BCAS1: variants seen among roughly 807,000 people sequenced by gnomAD.
BCAS1 encodes the protein brain enriched myelin associated protein 1.
BCAS1 carries 46 observed loss-of-function variants against 65.4 expected under a neutral mutation model. That is an observed-to-expected ratio of 0.70 (90% CI 0.55 to 0.90). The LOEUF is 0.90. BCAS1 is among the 40% of genes least tolerant of loss of function. The pLI is 0.00. For missense variants in BCAS1, 793 were observed against 771.2 expected (o/e 1.03, Z -0.33); for synonymous variants, 298 against 293.5 (o/e 1.02, Z -0.16).
chr20:54,026,815 C>T (rs1181164925), intron 4 of BCAS1, among the ~76,000 whole-genome samples: 1 of 152,258 alleles, frequency 6.6e-6, no homozygotes, highest in East Asian at 1.9e-4. Flanking sequence ...TTCCCTGGGC[C>T]ATGGAGCCCA....
intron 4 of BCAS1, 150 bp downstream of exon 4, chr20:54,028,242 C>T: frequency 2.7e-6 from 2 of 733,454 alleles, no homozygotes; most frequent in East Asian, 2.5e-5. Context: ...CAGGATGACA[C>T]TCTGCTGCAA....
chr20:53,994,888 T>TACACACACAC (rs11471603), intron 6 of BCAS1, 124 bp downstream of exon 6: 5,880 of 555,784 alleles, frequency 0.011, 38 homozygotes, highest in East Asian at 0.068. Flanking sequence ...ATAGATATGA[T>TACACACACAC]ACACACACAC....
chr20:53,992,351 A>G (rs1181729371), intron 7 of BCAS1, among the ~76,000 whole-genome samples, 161 bp downstream of exon 7: 1 of 152,180 alleles, frequency 6.6e-6, no homozygotes, highest in Admixed American at 6.6e-5. Context: ...GGACTTAAAA[A>G]TCACTGAAGT....
chr20:53,958,199 T>C (rs1283898638), intron 10 of BCAS1, among the ~76,000 whole-genome samples: 1 of 152,188 alleles, frequency 6.6e-6, no homozygotes, highest in Non-Finnish European at 1.5e-5. Flanking sequence ...CTGAGGATTG[T>C]CTGAGTTTGA....
intron 3 of BCAS1, among the ~76,000 whole-genome samples, chr20:54,053,596 T>C (rs1005612931): frequency 5.8e-4 from 88 of 152,364 alleles, no homozygotes; most frequent in African/African-American, 2.0e-3. Flanking sequence ...TTTATGTCAA[T>C]TGACATTAAA....
intron 12 of BCAS1, among the ~76,000 whole-genome samples, chr20:53,950,288 A>AC (rs2089474639): frequency 6.6e-6 from 1 of 150,384 alleles, no homozygotes; most frequent in Non-Finnish European, 1.5e-5. Flanking sequence ...GCTCATTCCC[A>AC]CCCCCGTGCC....
rs1443137197 is a variant in BCAS1, at chr20:54,044,810, CT to C, written c.142+13274del. 3.4e-5 allele frequency among the ~76,000 whole-genome samples: 5 copies of C among 149,226 alleles called. No individual in the cohort carries two copies. In the Admixed American group the frequency reaches 3.4e-4, roughly 10 times the overall value. ...CTGAGATCATACCACTGCACTCCAG[CT>C]TGGGCAGCGGAAGGAGACTCTGTCT... On this transcript the variant is annotated intron_variant, in intron 3 of 12. Coordinates refer to ENST00000688948, the MANE Select transcript of BCAS1 (RefSeq NM_001366298.2).
Position 53,985,444 on chromosome 20 carries a change from A to T in BCAS1, c.1118T>A (p.Phe373Tyr). 6.2e-7 allele frequency: 1 copy of T among 1,613,884 alleles called. No individual in the cohort carries two copies. The highest frequency in any genetic ancestry group is 8.5e-7 in the Non-Finnish European group (1 of 1,179,946). ...AGCCCCTTGGGTCTCCTGGGATGTA[A>T]AGTTGGCTTTGTCTGACTTAAGGTC... is the stretch of plus-strand genomic sequence containing the variant. ...SADLKSDKAN[F>Y]TSQETQGAGK... The change falls in exon 8 of 13, where the codon TTT becomes TAT. Residue 373 changes from phenylalanine to tyrosine, a missense_variant. By Grantham distance (22) the Phe-to-Tyr change is conservative (BLOSUM62 3). Transcript: ENST00000688948.
chr20:54,057,996 T>TC, intron 3 of BCAS1, 89 bp downstream of exon 3: 1 of 1,015,514 alleles, frequency 9.8e-7, no homozygotes, highest in Non-Finnish European at 1.5e-6. Flanking sequence ...TTCGACCCTT[T>TC]CATTTTTTTT....
chr20:53,963,114 T>C (rs1186780121), intron 10 of BCAS1, among the ~76,000 whole-genome samples: 1 of 151,218 alleles, frequency 6.6e-6, no homozygotes, highest in Non-Finnish European at 1.5e-5. Flanking sequence ...CCTCCCAAAG[T>C]GCTGGGATTA....
At chr20:53,959,346 C>A (rs1002812201) in intron 10 of BCAS1, among the ~76,000 whole-genome samples, 1 of 151,964 alleles carries the variant, frequency 6.6e-6, no homozygotes, top group Non-Finnish European at 1.5e-5. Flanking sequence ...TTCTGCCTCC[C>A]AGGTTCAAGA....
intron 4 of BCAS1, among the ~76,000 whole-genome samples, chr20:54,022,550 T>C (rs964635585): frequency 3.3e-5 from 5 of 152,224 alleles, no homozygotes; most frequent in Non-Finnish European, 5.9e-5. Context: ...CACAGGTTTT[T>C]AAATGATTGA....
At chr20:54,038,505 A>T (rs2091936264) in intron 3 of BCAS1, among the ~76,000 whole-genome samples, 1 of 151,322 alleles carries the variant, frequency 6.6e-6, no homozygotes, top group Non-Finnish European at 1.5e-5. Flanking sequence ...CTTGGGGCAC[A>T]GCCTAGCAAA....
intron 12 of BCAS1, among the ~76,000 whole-genome samples, chr20:53,948,866 C>T (rs1273558723): frequency 6.6e-6 from 1 of 152,210 alleles, no homozygotes; most frequent in Admixed American, 6.5e-5. Context: ...CCTGTTGTCC[C>T]CGGCTCTCTT....
chr20:54,000,091 T>C (rs1322952606), intron 4 of BCAS1, among the ~76,000 whole-genome samples: 1 of 152,204 alleles, frequency 6.6e-6, no homozygotes, highest in East Asian at 1.9e-4. Flanking sequence ...CTATAATATA[T>C]CCCGGCATAT....
At chr20:54,035,628 AT>A (rs1331950908) in intron 3 of BCAS1, among the ~76,000 whole-genome samples, 1 of 151,122 alleles carries the variant, frequency 6.6e-6, no homozygotes, top group East Asian at 1.9e-4. Context: ...TAGTTCAACC[AT>A]TGTGGAAGAC....
chr20:53,995,026 C>T lies in BCAS1; in HGVS notation c.913G>A (p.Asp305Asn), dbSNP rs1488398538. 3.7e-6 allele frequency: 6 copies of T among 1,613,462 alleles called. No individual in the cohort carries two copies. In the South Asian group the frequency reaches 5.5e-5, roughly 15 times the overall value. The change falls in exon 6 of 13, where the codon GAC becomes AAC. Residue 305 changes from aspartate to asparagine, a missense_variant. Asp to Asn is a conservative substitution (Grantham distance 23). Transcript: ENST00000688948. ...VSPNKAETKK[D>N]PEDTASKAES... ...CAACTACCTACCGTGTCTTCTGGGT[C>T]CTTTTTTGTTTCAGCTTTGTTAGGT...
At chr20:53,964,004 G>A (rs1471780558) in intron 10 of BCAS1, among the ~76,000 whole-genome samples, 1 of 152,194 alleles carries the variant, frequency 6.6e-6, no homozygotes, top group Non-Finnish European at 1.5e-5. Context: ...TTTATTCTCC[G>A]CCGGGGGAGA....
chr20:54,020,642 G>A (rs1012137837), intron 4 of BCAS1, among the ~76,000 whole-genome samples: 1 of 152,202 alleles, frequency 6.6e-6, no homozygotes, highest in Admixed American at 6.5e-5. Flanking sequence ...CATTGTGCTA[G>A]GCATTGGGAA....
Sources: gnomAD v4.1 joint callset for allele counts (sites outside exome capture counted in the v4.1 genomes callset) on GRCh38, gnomAD v4.1.1 for gene constraint, MANE v1.5 for transcripts, NCBI Gene and HGNC (gene_info 2026-07-23, HGNC 2026-07-21) for gene names.